Variants in ASB3 observed in about 807,000 individuals in gnomAD.
ASB3 encodes ankyrin repeat and SOCS box containing 3.
Under a neutral mutation model 54.5 loss-of-function variants are expected in ASB3, and 41 were observed. That is an observed-to-expected ratio of 0.75 (90% confidence interval 0.59 to 0.98). The LOEUF is 0.98. Ranked by LOEUF, ASB3 falls within the 50% of genes least tolerant of loss-of-function variation. ASB3 has a pLI of 0.00. For missense variants in ASB3, 733 were observed against 620.0 expected (o/e 1.18, Z -1.94); for synonymous variants, 266 against 221.2 (o/e 1.20, Z -1.80).
rs757738523 is a variant in ASB3, at chr2:53,670,292, ATTTTT to A, written c.*206_*210del. ...TAAAGTAATATAAGTGATGTTTACAATTTTTTTTTTTTTTTTTTTTTTTTTTACTG... is the reference window on the plus strand; with the variant it reads ...TAAAGTAATATAAGTGATGTTTACAATTTTTTTTTTTTTTTTTTTTTACTG... On this transcript the variant is annotated 3_prime_UTR_variant, in exon 10 of 10. Transcript: ENST00000263634. The A allele has an allele frequency of 1.5e-3, 260 of 178,576 alleles. No homozygotes were observed. The highest frequency in any genetic ancestry group is 2.7e-3 in the East Asian group (17 of 6,388). The allele number at this position is 178,576 out of a possible 1,614,324, so 11.1% of individuals were successfully genotyped here. A position where few individuals can be genotyped will look rare whatever the true frequency, so the allele number is the denominator to read the frequency against.
At chr2:53,703,787 A>C (rs925936931) in intron 7 of ASB3, among the ~76,000 whole-genome samples, 9 of 152,330 alleles carry the variant, frequency 5.9e-5, no homozygotes, top group Middle Eastern at 3.4e-3. Flanking sequence ...AAATGAGAAA[A>C]GGGAAGTCTT....
intron 8 of ASB3, 95 bp from the exon 9 acceptor site, chr2:53,694,109 C>G (rs1347047165): frequency 1.4e-5 from 20 of 1,434,876 alleles, no homozygotes; most frequent in Admixed American, 2.1e-5. Flanking sequence ...TACAAAATCT[C>G]AATGAGGAGG....
rs908272132 is a variant in ASB3, at chr2:53,716,902, A to G, written c.605-159T>C. On this transcript the variant is annotated intron_variant, in intron 5 of 9. Transcript: ENST00000263634. The stretch of plus-strand genomic sequence containing the variant: ...GTTATATAAACATATTTACTTTGCT[A>G]ACTTCTTGGTAATCATTTAAATTGT... Among the ~76,000 whole-genome samples the G allele has an allele frequency of 7.2e-5, 11 of 152,202 alleles. 1 individual carries two copies. The highest frequency in any genetic ancestry group is 1.5e-4 in the Non-Finnish European group (10 of 68,030).
chr2:53,753,793 C>A (rs1362273544), intron 2 of ASB3, among the ~76,000 whole-genome samples: 1 of 151,346 alleles, frequency 6.6e-6, no homozygotes, highest in East Asian at 1.9e-4. Context: ...CACCACCACA[C>A]CTGGGTAATT....
chr2:53,691,710 G>T (rs1366649345), intron 9 of ASB3, among the ~76,000 whole-genome samples: 8 of 152,112 alleles, frequency 5.3e-5, no homozygotes, highest in African/African-American at 1.9e-4. Flanking sequence ...AGTAAAGGGT[G>T]CCCCCAAGAG....
intron 1 of ASB3, chr2:53,774,551 G>C: frequency 6.8e-7 from 1 of 1,465,846 alleles, no homozygotes; most frequent in Non-Finnish European, 9.1e-7. Flanking sequence ...ATTAACTTCA[G>C]TGCACAATGA....
chr2:53,772,380 T>A (rs753807737), intron 1 of ASB3, among the ~76,000 whole-genome samples: 20 of 152,328 alleles, frequency 1.3e-4, no homozygotes, highest in Admixed American at 8.5e-4. Flanking sequence ...TTCACCGTGT[T>A]AGCCAGGATG....
At chr2:53,721,352 C>G (rs13003736) in intron 5 of ASB3, among the ~76,000 whole-genome samples, 1 of 138,928 alleles carries the variant, frequency 7.2e-6, no homozygotes, top group African/African-American at 2.7e-5. Context: ...CTCAAGAGTT[C>G]GAGACCAGCC....
At chr2:53,756,182 T>A (rs1008000491) in intron 2 of ASB3, among the ~76,000 whole-genome samples, 27 of 151,998 alleles carry the variant, frequency 1.8e-4, no homozygotes, top group Non-Finnish European at 5.9e-5. Context: ...AAAATTTTTT[T>A]AATTAAAAAA....
At chr2:53,727,484 T>A (rs1671066738) in intron 5 of ASB3, among the ~76,000 whole-genome samples, 1 of 152,046 alleles carries the variant, frequency 6.6e-6, no homozygotes, top group South Asian at 2.1e-4. Context: ...AAAGGTTTTT[T>A]AATTAGCTGG....
intron 3 of ASB3, 89 bp from the exon 4 acceptor site, chr2:53,729,659 A>G (rs1273561106): frequency 4.7e-5 from 49 of 1,043,108 alleles, no homozygotes; most frequent in Non-Finnish European, 7.1e-5. Flanking sequence ...TCACTTACTC[A>G]CCTCAGAACC....
At chr2:53,765,164 A>T (rs1198494227) in intron 2 of ASB3, among the ~76,000 whole-genome samples, 1 of 152,218 alleles carries the variant, frequency 6.6e-6, no homozygotes, top group Non-Finnish European at 1.5e-5. Flanking sequence ...GGCCAGACAG[A>T]GGCACTTCCG....
At chr2:53,692,805 T>C (rs1387284937) in intron 9 of ASB3, among the ~76,000 whole-genome samples, 3 of 152,306 alleles carry the variant, frequency 2.0e-5, no homozygotes, top group African/African-American at 7.2e-5. Flanking sequence ...TGCAGATACA[T>C]AATTAGTAAA....
Position 53,693,945 on chromosome 2 carries a change from T to G in ASB3, c.1308A>C (p.Pro436=). The G allele has an allele frequency of 6.2e-7, 1 of 1,613,680 alleles. No homozygotes were observed. The highest frequency in any genetic ancestry group is 8.5e-7 in the Non-Finnish European group (1 of 1,179,646). The change falls in exon 9 of 10, where the codon CCA becomes CCC. Residue 436 remains proline, a synonymous_variant. Transcript: ENST00000263634. ...LEFTNWKTLA[P]AVERMLSARA... Reference sequence around the variant, plus strand: ...GAGCAGAGAGCATCCTTTCAACAGCTGGTGCAAGTGTCTTCCAATTAGTAA... The same window carrying G: ...GAGCAGAGAGCATCCTTTCAACAGCGGGTGCAAGTGTCTTCCAATTAGTAA...
At chr2:53,762,573 A>G (rs1558566679) in intron 2 of ASB3, among the ~76,000 whole-genome samples, 1 of 152,248 alleles carries the variant, frequency 6.6e-6, no homozygotes, top group Non-Finnish European at 1.5e-5. Context: ...GCCAAATAAA[A>G]GTATTTTTTA....
chr2:53,737,450 A>T (rs535302852), intron 3 of ASB3, among the ~76,000 whole-genome samples: 10 of 152,290 alleles, frequency 6.6e-5, no homozygotes, highest in African/African-American at 2.4e-4. Context: ...CTCTGTGTGG[A>T]AGTTGCCCAA....
At chr2:53,691,720 G>C (rs1301854775) in intron 9 of ASB3, among the ~76,000 whole-genome samples, 27 of 152,116 alleles carry the variant, frequency 1.8e-4, no homozygotes, top group Admixed American at 1.8e-3. Context: ...GCCCCCAAGA[G>C]AGACCTGAAT....
At chr2:53,697,492 C>T (rs1307174534) in intron 8 of ASB3, among the ~76,000 whole-genome samples, 3 of 152,082 alleles carry the variant, frequency 2.0e-5, no homozygotes, top group Non-Finnish European at 2.9e-5. Context: ...ATCCAAGAAC[C>T]CTCTCTTGGG....
intron 3 of ASB3, among the ~76,000 whole-genome samples, chr2:53,744,430 T>C (rs887856369): frequency 6.6e-6 from 1 of 150,798 alleles, no homozygotes; most frequent in Non-Finnish European, 1.5e-5. Flanking sequence ...ATAGGTGTAA[T>C]ATAAAGTTGT....
Sources: gnomAD v4.1 joint callset for allele counts (sites outside exome capture counted in the v4.1 genomes callset) on GRCh38, gnomAD v4.1.1 for gene constraint, MANE v1.5 for transcripts, NCBI Gene and HGNC (gene_info 2026-07-23, HGNC 2026-07-21) for gene names.